The following KIF6 variants were observed in gnomAD, a reference collection of about 807,000 sequenced individuals.
KIF6 encodes kinesin-like protein KIF6.
Under a neutral mutation model 112.7 loss-of-function variants are expected in KIF6, and 106 were observed. That is an observed-to-expected ratio of 0.94 (90% CI 0.80 to 1.11). The LOEUF (loss-of-function observed/expected upper bound fraction) is 1.11. Among genes scored for constraint, KIF6 ranks in the 50% least tolerant of loss-of-function variants. KIF6 has a pLI of 0.00. For missense variants in KIF6, 929 were observed against 964.0 expected, an observed-to-expected ratio of 0.96 and a Z score of 0.48; for synonymous variants, 339 against 339.9, an observed-to-expected ratio of 1.00 and a Z score of 0.03.
chr6:39,410,239 A>G (rs891688850), intron 15 of KIF6, among the ~76,000 whole-genome samples: 6 of 152,374 alleles, frequency 3.9e-5, no homozygotes, highest in African/African-American at 1.4e-4. Flanking sequence ...AAATACTTGA[A>G]TGAAAATTAT....
chr6:39,346,132 C>CTCTCTCTCTCTCTCTCTCT (rs1763766405), intron 20 of KIF6, among the ~76,000 whole-genome samples: 4 of 26,934 alleles, frequency 1.5e-4, no homozygotes, highest in Non-Finnish European at 2.9e-4. Flanking sequence ...CCTCCCTCTC[C>CTCTCTCTCTCTCTCTCTCT]CTCTCTCTCT....
At chr6:39,434,876 A>T (rs2150387043) in intron 13 of KIF6, among the ~76,000 whole-genome samples, 1 of 152,296 alleles carries the variant, frequency 6.6e-6, no homozygotes, top group African/African-American at 2.4e-5. Flanking sequence ...CCTGATTAAT[A>T]TGGGTGGCTC....
chr6:39,566,044 G>A (rs750301606), intron 10 of KIF6, among the ~76,000 whole-genome samples: 5 of 152,152 alleles, frequency 3.3e-5, no homozygotes, highest in Admixed American at 1.3e-4. Context: ...TCCACATCTC[G>A]ATGTTGGACA....
chr6:39,436,297 C>A (rs932799820), intron 13 of KIF6, among the ~76,000 whole-genome samples: 1 of 151,994 alleles, frequency 6.6e-6, no homozygotes, highest in South Asian at 2.1e-4. Context: ...CAAATATTTT[C>A]TTTCATTCTG....
intron 3 of KIF6, among the ~76,000 whole-genome samples, chr6:39,699,673 T>C (rs189046981): frequency 1.3e-5 from 2 of 152,152 alleles, no homozygotes; most frequent in African/African-American, 4.8e-5. Context: ...AATATAAAAC[T>C]TTTTCCCTTA....
At chr6:39,615,923 A>G (rs949335339) in intron 5 of KIF6, among the ~76,000 whole-genome samples, 2 of 152,124 alleles carry the variant, frequency 1.3e-5, no homozygotes, top group Non-Finnish European at 1.5e-5. Flanking sequence ...CACAATAACT[A>G]ACGCTCAACT....
intron 3 of KIF6, among the ~76,000 whole-genome samples, chr6:39,685,867 C>T (rs1373923540): frequency 6.6e-6 from 1 of 152,200 alleles, no homozygotes; most frequent in Non-Finnish European, 1.5e-5. Flanking sequence ...CTCCTATTTT[C>T]CCCTCTGTTT....
At chr6:39,531,337 G>C (rs934954773) in intron 13 of KIF6, among the ~76,000 whole-genome samples, 1 of 152,128 alleles carries the variant, frequency 6.6e-6, no homozygotes, top group Non-Finnish European at 1.5e-5. Context: ...TGAAACTCTT[G>C]ACTATAATTA....
chr6:39,578,775 T>C (rs1160680669), intron 9 of KIF6, among the ~76,000 whole-genome samples: 4 of 152,216 alleles, frequency 2.6e-5, no homozygotes, highest in Non-Finnish European at 4.4e-5. Flanking sequence ...ATTTACTCCA[T>C]ATGTATGCAT....
chr6:39,414,243 A>C (rs2150356914), intron 15 of KIF6, among the ~76,000 whole-genome samples: 1 of 152,344 alleles, frequency 6.6e-6, no homozygotes, highest in African/African-American at 2.4e-5. Context: ...GTTTTGGTAC[A>C]TAAGCATAAA....
chr6:39,617,067 C>T (rs983598795), intron 5 of KIF6, among the ~76,000 whole-genome samples: 51 of 151,960 alleles, frequency 3.4e-4, no homozygotes, highest in African/African-American at 9.9e-4. Context: ...AACCCCCAAA[C>T]TATTTATTTG....
At chr6:39,402,886 T>A (rs527888768) in intron 15 of KIF6, among the ~76,000 whole-genome samples, 1 of 152,268 alleles carries the variant, frequency 6.6e-6, no homozygotes, top group South Asian at 2.1e-4. Context: ...CTGCCCAAAG[T>A]CCTCATCGTA....
At chr6:39,468,736 A>G (rs1315155912) in intron 13 of KIF6, among the ~76,000 whole-genome samples, 1 of 152,104 alleles carries the variant, frequency 6.6e-6, no homozygotes, top group African/African-American at 2.4e-5. Context: ...TTTAAGTGCA[A>G]GTGACTCTAA....
chr6:39,376,626 G>A (rs1766462032), intron 16 of KIF6, among the ~76,000 whole-genome samples: 1 of 152,212 alleles, frequency 6.6e-6, no homozygotes, highest in African/African-American at 2.4e-5. Context: ...TGTGCTTGGT[G>A]TTGGGGAAAG....
At chr6:39,628,611 A>G (rs1001310281) in intron 5 of KIF6, among the ~76,000 whole-genome samples, 1 of 152,068 alleles carries the variant, frequency 6.6e-6, no homozygotes, top group African/African-American at 2.4e-5. Context: ...TTTACTCAAC[A>G]TATTTCCCTG....
Position 39,662,784 on chromosome 6 carries a change from C to T in KIF6, c.252-23027G>A, listed in dbSNP as rs907969838. Among the ~76,000 whole-genome samples the T allele has an allele frequency of 7.2e-5, 11 of 152,142 alleles. No homozygotes were observed. In the East Asian group the frequency reaches 1.5e-3, roughly 21 times the overall value. On this transcript the variant is annotated intron_variant, in intron 3 of 22. Coordinates refer to ENST00000287152, the MANE Select transcript of KIF6 (RefSeq NM_145027.6). ...AAAAGCAAGGTGTTTCTCTGCCTGG[C>T]GTACCCCAATGTCTTCAGAGCCAAA...
At chr6:39,475,127 T>C (rs895774188) in intron 13 of KIF6, among the ~76,000 whole-genome samples, 23 of 152,180 alleles carry the variant, frequency 1.5e-4, no homozygotes, top group Non-Finnish European at 4.4e-5. Context: ...TTGGCTCCTT[T>C]ATATGAATTG....
chr6:39,429,777 G>A (rs190375027), intron 14 of KIF6, among the ~76,000 whole-genome samples: 6 of 152,116 alleles, frequency 3.9e-5, no homozygotes, highest in South Asian at 2.1e-4. Flanking sequence ...GTGTGGTGGC[G>A]GGTGCCTGTA....
chr6:39,617,568 G>A (rs1454036871), intron 5 of KIF6, among the ~76,000 whole-genome samples: 10 of 152,156 alleles, frequency 6.6e-5, no homozygotes, highest in African/African-American at 1.4e-4. Flanking sequence ...ATGCAATGGC[G>A]CCATGTCTGA....
Sources: gnomAD v4.1 joint callset for allele counts (sites outside exome capture counted in the v4.1 genomes callset) on GRCh38, gnomAD v4.1.1 for gene constraint, MANE v1.5 for transcripts, NCBI Gene and HGNC (gene_info 2026-07-23, HGNC 2026-07-21) for gene names.